PAAF1: variants seen among roughly 807,000 people sequenced by gnomAD.
PAAF1 encodes the protein proteasomal ATPase-associated factor 1.
A neutral mutation model predicts 52.8 loss-of-function variants in PAAF1; 46 were observed. The observed-to-expected ratio is 0.87, with a 90% CI of 0.69 to 1.11. PAAF1 has a LOEUF of 1.11. PAAF1 is among the 50% of genes most tolerant of loss of function. The probability of loss-of-function intolerance (pLI) is 0.00; values close to 1 mark genes in which losing one functional copy is unlikely to be tolerated. For missense variants in PAAF1, 424 were observed against 477.4 expected (o/e 0.89, Z 1.04); for synonymous variants, 178 against 172.8 (o/e 1.03, Z -0.24).
chr11:73,894,113 A>G (rs1159938165), intron 4 of PAAF1, among the ~76,000 whole-genome samples: 1 of 152,076 alleles, frequency 6.6e-6, no homozygotes, highest in East Asian at 1.9e-4. Flanking sequence ...TTTATACATC[A>G]TTTTTTATTA....
intron 6 of PAAF1, among the ~76,000 whole-genome samples, chr11:73,905,510 C>T (rs1023152994): frequency 1.3e-5 from 2 of 152,156 alleles, no homozygotes; most frequent in Non-Finnish European, 2.9e-5. Context: ...GCATGAGCTA[C>T]CATGCCTAGC....
intron 11 of PAAF1, among the ~76,000 whole-genome samples, chr11:73,924,900 C>T (rs910604909): frequency 1.1e-4 from 16 of 151,996 alleles, no homozygotes; most frequent in African/African-American, 3.6e-4. Context: ...CGCCTGTAAT[C>T]CCAGTACTTT....
At chr11:73,908,962 T>G (rs1224816827) in intron 6 of PAAF1, among the ~76,000 whole-genome samples, 1 of 152,004 alleles carries the variant, frequency 6.6e-6, no homozygotes, top group Admixed American at 6.6e-5. Context: ...CTATTTTGTA[T>G]TTTTAGTAAA....
rs1950439505 is a variant in PAAF1 at position 73,930,305 on chromosome 11, G to A, written c.*2943G>A. 1 of 151,336 alleles carries A rather than the reference G, an allele frequency of 6.6e-6. No individual in the cohort carries two copies. Among genetic ancestry groups the A allele is most frequent in the African/African-American group, 2.4e-5 (1 of 41,112 alleles). The allele number at this position is 151,336 out of a possible 1,614,324, so 9.4% of individuals were successfully genotyped here. A position where few individuals can be genotyped will look rare whatever the true frequency, so the allele number is the denominator to read the frequency against. ...GAATGGTGTGAACCTGGCAGGCAGA[G>A]CTTGCAGTAAGCTGAGATCGGGCCA... On this transcript the variant is annotated 3_prime_UTR_variant, in exon 12 of 12. Transcript: ENST00000310571.
At chr11:73,891,040 C>CT (rs1949185678) in intron 3 of PAAF1, 72 bp from the exon 4 acceptor site, 1 of 911,662 alleles carries the variant, frequency 1.1e-6, no homozygotes, top group Non-Finnish European at 1.7e-6. Flanking sequence ...CTAATGTTTT[C>CT]TTTAAGAGGC....
chr11:73,896,109 T>TA (rs554263747), intron 4 of PAAF1, among the ~76,000 whole-genome samples: 3 of 151,780 alleles, frequency 2.0e-5, no homozygotes, highest in African/African-American at 4.8e-5. Context: ...ACCCTGTCTT[T>TA]AAAAAAAACA....
chr11:73,878,807 T>A lies in PAAF1; in HGVS notation c.76T>A (p.Cys26Ser). Residue 26 changes from cysteine (C) to serine (S), a missense_variant, in exon 2 of 12, where the codon TGT becomes AGT. By Grantham distance (112) the Cys-to-Ser change is moderately radical. Transcript: ENST00000310571. ...GGATGAAGGGGAGGCCTGGCTGAGCTGTCATCCCCCAGGTAATACCCATGA... is the reference window on the plus strand; with the variant it reads ...GGATGAAGGGGAGGCCTGGCTGAGCAGTCATCCCCCAGGTAATACCCATGA... ...RKDEGEAWLS[C>S]HPPGKPSLYG... The A allele has an allele frequency of 6.2e-7, 1 of 1,613,898 alleles. No individual in the cohort carries two copies. The highest frequency in any genetic ancestry group is 8.5e-7 in the Non-Finnish European group (1 of 1,179,842).
At chr11:73,897,794 GGCTGCAATCTCGGCACTTT>G (rs1315427276) in intron 4 of PAAF1, among the ~76,000 whole-genome samples, 2 of 152,296 alleles carry the variant, frequency 1.3e-5, no homozygotes, top group African/African-American at 4.8e-5. Context: ...GCCGGGCAGA[GGCTGCAATCTCGGCACTTT>G]GGGAGGCCAA....
rs182164449 is a variant in PAAF1 at position 73,900,359 on chromosome 11, G to C, written c.471G>C (p.Gln157His). The C allele has an allele frequency of 6.0e-5, 97 of 1,612,774 alleles. 1 individual carries two copies. In the Admixed American group the frequency reaches 1.6e-3, roughly 26 times the overall value. The change falls in exon 6 of 12, where the codon CAG becomes CAC. Residue 157 changes from glutamine to histidine, a missense_variant. Gln to His is a conservative substitution (Grantham distance 24). Transcript: ENST00000310571. ...LVVLSGGMDA[Q>H]LKIWSAEDAS... ...TCCTGAGTGGGGGAATGGATGCCCA[G>C]CTGAAGATATGGTCAGCTGAAGATG...
rs1480516619 is a variant in PAAF1, at chr11:73,900,267, C to T, written c.382-3C>T. The stretch of plus-strand genomic sequence containing the variant: ...AGCATGGAATTTTCTTTTGTTTTTC[C>T]AGAGAGTATTGGAAGGACATGTGTT... On this transcript the variant is annotated splice_region_variant and splice_polypyrimidine_tract_variant and intron_variant, in intron 5 of 11. Transcript: ENST00000310571. 3.2e-6 allele frequency: 5 copies of T among 1,583,534 alleles called. No homozygotes were observed. In the African/African-American group the frequency reaches 6.8e-5, roughly 21 times the overall value.
At chr11:73,907,542 G>T (rs1397980551) in intron 6 of PAAF1, among the ~76,000 whole-genome samples, 2 of 152,174 alleles carry the variant, frequency 1.3e-5, no homozygotes, top group African/African-American at 4.8e-5. Context: ...CACCTGGGAA[G>T]GGGTGGTGGG....
At chr11:73,927,052 C>T (rs924283616) in intron 11 of PAAF1, among the ~76,000 whole-genome samples, 1 of 152,184 alleles carries the variant, frequency 6.6e-6, no homozygotes, top group East Asian at 1.9e-4. Flanking sequence ...CCACTTGGGC[C>T]AATTAGTTTC....
chr11:73,918,881 T>G, intron 9 of PAAF1, 69 bp from the exon 10 acceptor site: 1 of 1,135,226 alleles, frequency 8.8e-7, no homozygotes, highest in South Asian at 1.3e-5. Flanking sequence ...GTTAGTACTA[T>G]ATGTTGAATA....
chr11:73,924,644 G>A lies in PAAF1; in HGVS notation c.1048G>A (p.Asp350Asn). ...GDGSCFIVQQDLDYVTELTGA... is the reference protein window; with the variant it reads ...GDGSCFIVQQNLDYVTELTGA... ...TGGAAGCTGTTTTATTGTCCAGCAAGACTTAGACTATGTCACTGAGCTCAC... is the reference window on the plus strand; with the variant it reads ...TGGAAGCTGTTTTATTGTCCAGCAAAACTTAGACTATGTCACTGAGCTCAC... Residue 350 changes from aspartate to asparagine, a missense_variant, in exon 11 of 12, where the codon GAC becomes AAC. Transcript: ENST00000310571. 1 of 1,614,030 alleles carries A rather than the reference G, an allele frequency of 6.2e-7. No individual in the cohort carries two copies. Among genetic ancestry groups the A allele is most frequent in the Non-Finnish European group, 8.5e-7 (1 of 1,179,942 alleles).
At chr11:73,907,725 G>T (rs942195608) in intron 6 of PAAF1, among the ~76,000 whole-genome samples, 8 of 152,166 alleles carry the variant, frequency 5.3e-5, no homozygotes, top group African/African-American at 1.9e-4. Flanking sequence ...CTCCTGTTCA[G>T]CCCCACTGAA....
chr11:73,914,556 G>T (rs1950013858), intron 8 of PAAF1, 52 bp downstream of exon 8: 2 of 1,498,564 alleles, frequency 1.3e-6, no homozygotes, highest in Non-Finnish European at 1.9e-6. Context: ...GGGTCACTCT[G>T]TGTCTTAGAA....
At chr11:73,888,132 G>C (rs1345047690) in intron 3 of PAAF1, among the ~76,000 whole-genome samples, 1 of 152,132 alleles carries the variant, frequency 6.6e-6, no homozygotes, top group Non-Finnish European at 1.5e-5. Context: ...AAAATTATTA[G>C]AGATATTTTA....
chr11:73,901,685 C>T (rs2135179216), intron 6 of PAAF1, among the ~76,000 whole-genome samples: 1 of 151,986 alleles, frequency 6.6e-6, no homozygotes, highest in South Asian at 2.1e-4. Flanking sequence ...TCAGTGTAAC[C>T]TCTGCTTCCC....
chr11:73,884,317 T>C (rs539972390), intron 2 of PAAF1, among the ~76,000 whole-genome samples: 2 of 152,084 alleles, frequency 1.3e-5, no homozygotes, highest in East Asian at 3.9e-4. Flanking sequence ...CTGAGCAACA[T>C]AGTGAGACTC....
Sources: allele counts gnomAD v4.1 joint callset (sites outside exome capture counted in the v4.1 genomes callset), GRCh38; gene constraint gnomAD v4.1.1; transcripts MANE v1.5; gene names NCBI Gene and HGNC (gene_info 2026-07-23, HGNC 2026-07-21).